Variants in MACROD2 observed in about 807,000 individuals in gnomAD.
MACROD2 encodes ADP-ribose glycohydrolase MACROD2.
MACROD2 carries 36 observed loss-of-function variants against 70.4 expected under a neutral mutation model. The observed-to-expected ratio is 0.51, with a 90% CI of 0.39 to 0.68. The LOEUF is 0.68. Ranked by LOEUF, MACROD2 falls within the 30% of genes least tolerant of loss-of-function variation. MACROD2 has a pLI of 0.00. For synonymous variants in MACROD2, 172 were observed against 178.8 expected (o/e 0.96, Z 0.30); for missense variants, 496 against 538.4 (o/e 0.92, Z 0.78).
At chr20:14,862,666 T>TAAATATATATAA (rs2073380944) in intron 5 of MACROD2, among the ~76,000 whole-genome samples, 1 of 26,916 alleles carries the variant, frequency 3.7e-5, no homozygotes, top group African/African-American at 1.6e-4. Flanking sequence ...AATATATATA[T>TAAATATATATAA]AAATATATAT....
intron 8 of MACROD2, among the ~76,000 whole-genome samples, chr20:15,605,625 A>G (rs988739950): frequency 6.6e-6 from 1 of 152,198 alleles, no homozygotes; most frequent in African/African-American, 2.4e-5. Flanking sequence ...CTCTGTAATC[A>G]CATGAGGTCA....
chr20:14,089,067 A>G (rs910001827), intron 3 of MACROD2, among the ~76,000 whole-genome samples: 1 of 152,196 alleles, frequency 6.6e-6, no homozygotes, highest in African/African-American at 2.4e-5. Flanking sequence ...ATAATATATA[A>G]GGGTATGATG....
intron 8 of MACROD2, among the ~76,000 whole-genome samples, chr20:15,753,077 AT>A (rs527846433): frequency 0.019 from 1,578 of 81,232 alleles, 18 homozygotes; most frequent in African/African-American, 0.066. Context: ...TCTTAAGGCA[AT>A]TTTTTCTGGG....
intron 7 of MACROD2, among the ~76,000 whole-genome samples, chr20:15,465,277 A>T (rs1275524335): frequency 6.6e-6 from 1 of 152,246 alleles, no homozygotes; most frequent in East Asian, 1.9e-4. Context: ...AAAAAGATGT[A>T]TCTACCATGA....
chr20:15,467,435 G>A (rs772537764), intron 7 of MACROD2, among the ~76,000 whole-genome samples: 1 of 152,200 alleles, frequency 6.6e-6, no homozygotes, highest in Non-Finnish European at 1.5e-5. Flanking sequence ...CAGGTACATT[G>A]CATACATTAT....
intron 6 of MACROD2, among the ~76,000 whole-genome samples, chr20:15,262,255 T>G (rs922355842): frequency 2.6e-5 from 4 of 152,044 alleles, no homozygotes; most frequent in African/African-American, 9.7e-5. Context: ...ATGAGTTCAA[T>G]TATTTTAATT....
chr20:16,029,120 C>T (rs936652950), intron 15 of MACROD2, among the ~76,000 whole-genome samples: 2 of 152,150 alleles, frequency 1.3e-5, no homozygotes, highest in African/African-American at 4.8e-5. Flanking sequence ...AGAGATTTCT[C>T]TCTTCTTCTT....
intron 4 of MACROD2, among the ~76,000 whole-genome samples, chr20:14,507,585 A>G (rs1428871944): frequency 1.3e-5 from 2 of 152,224 alleles, no homozygotes; most frequent in Admixed American, 1.3e-4. Context: ...AATAGAAACT[A>G]TGACTGAGTG....
chr20:14,398,517 C>G (rs2083604300), intron 3 of MACROD2, among the ~76,000 whole-genome samples: 1 of 151,642 alleles, frequency 6.6e-6, no homozygotes, highest in Admixed American at 6.6e-5. Flanking sequence ...TGGAGCATCA[C>G]TAAAACAAAT....
At chr20:14,958,266 G>A (rs1184350076) in intron 5 of MACROD2, among the ~76,000 whole-genome samples, 1 of 152,194 alleles carries the variant, frequency 6.6e-6, no homozygotes, top group Non-Finnish European at 1.5e-5. Context: ...AGAAATGTAA[G>A]CGGATGGTTT....
chr20:15,340,760 C>A (rs2078102529), intron 6 of MACROD2, among the ~76,000 whole-genome samples: 1 of 149,632 alleles, frequency 6.7e-6, no homozygotes, highest in Non-Finnish European at 1.5e-5. Flanking sequence ...TACACTCCAC[C>A]CCGCAAACAC....
chr20:14,785,597 A>G (rs927283174), intron 5 of MACROD2, among the ~76,000 whole-genome samples: 14 of 152,074 alleles, frequency 9.2e-5, no homozygotes, highest in Non-Finnish European at 2.9e-5. Flanking sequence ...GCCCCAGCCC[A>G]AACAATGATA....
intron 7 of MACROD2, among the ~76,000 whole-genome samples, chr20:15,454,922 T>G (rs2046701337): frequency 6.6e-6 from 1 of 152,108 alleles, no homozygotes; most frequent in Non-Finnish European, 1.5e-5. Context: ...ACGTTGTGCC[T>G]TTTGCCTTGT....
chr20:15,394,583 C>T (rs975386834), intron 6 of MACROD2, among the ~76,000 whole-genome samples: 4 of 152,164 alleles, frequency 2.6e-5, no homozygotes, highest in Non-Finnish European at 5.9e-5. Flanking sequence ...TTGAGGTCAC[C>T]CACCATTTTC....
chr20:15,658,512 A>G (rs2049767722), intron 8 of MACROD2, among the ~76,000 whole-genome samples: 1 of 152,092 alleles, frequency 6.6e-6, no homozygotes, highest in African/African-American at 2.4e-5. Flanking sequence ...GAGATCTATG[A>G]TTGGCGGTAA....
At chr20:15,621,440 G>T (rs2049124563) in intron 8 of MACROD2, among the ~76,000 whole-genome samples, 1 of 152,042 alleles carries the variant, frequency 6.6e-6, no homozygotes, top group South Asian at 2.1e-4. Flanking sequence ...GCAATAATTT[G>T]TTTTCCCCAA....
intron 5 of MACROD2, among the ~76,000 whole-genome samples, chr20:14,826,227 A>G (rs2072901098): frequency 6.6e-6 from 1 of 152,032 alleles, no homozygotes; most frequent in African/African-American, 2.4e-5. Context: ...ACTAGTTAAA[A>G]AAAAAAAATG....
At chr20:15,193,027 G>T (rs1031842665) in intron 5 of MACROD2, among the ~76,000 whole-genome samples, 1 of 152,078 alleles carries the variant, frequency 6.6e-6, no homozygotes, top group East Asian at 1.9e-4. Flanking sequence ...GTTGAAAGTT[G>T]GTGTCATTGA....
chr20:15,776,031 T>C (rs1156733593), intron 8 of MACROD2, among the ~76,000 whole-genome samples: 1 of 152,210 alleles, frequency 6.6e-6, no homozygotes, highest in Non-Finnish European at 1.5e-5. Flanking sequence ...TTCATGTGGG[T>C]TGGCATAAGG....
Sources: allele counts gnomAD v4.1 joint callset (sites outside exome capture counted in the v4.1 genomes callset), GRCh38; gene constraint gnomAD v4.1.1; transcripts MANE v1.5; gene names NCBI Gene and HGNC (gene_info 2026-07-23, HGNC 2026-07-21).